DYSF: variants seen among roughly 807,000 people sequenced by gnomAD.
DYSF encodes the protein dystrophy-associated fer-1-like 1.
A neutral mutation model predicts 274.9 loss-of-function variants in DYSF; 212 were observed. The ratio of observed to expected loss-of-function variants is 0.77; its 90% CI spans 0.69 to 0.86. The LOEUF is 0.86. DYSF is among the 40% of genes least tolerant of loss of function. The pLI is 0.00. For synonymous variants in DYSF, 1,091 were observed against 1,078.7 expected (o/e 1.01, Z -0.22); for missense variants, 2,666 against 2,783.2 (o/e 0.96, Z 0.95).
intron 1 of DYSF, among the ~76,000 whole-genome samples, chr2:71,467,186 T>G (rs536477416): frequency 6.6e-6 from 1 of 152,372 alleles, no homozygotes; most frequent in East Asian, 1.9e-4. Context: ...TTATCACTTT[T>G]CTAAGACTGA....
intron 12 of DYSF, among the ~76,000 whole-genome samples, chr2:71,521,637 G>A (rs1409166048): frequency 6.6e-6 from 1 of 152,154 alleles, no homozygotes; most frequent in African/African-American, 2.4e-5. Context: ...TGTGCAGGGA[G>A]GGAGAGGAGG....
chr2:71,563,439 C>T (rs546198371), intron 23 of DYSF, among the ~76,000 whole-genome samples: 1 of 152,190 alleles, frequency 6.6e-6, no homozygotes, highest in Non-Finnish European at 1.5e-5. Flanking sequence ...ACCCAATCAG[C>T]CTGCTCTCCA....
In DYSF at chr2:71,667,358, G is replaced by A. The variant is rs778564283; in HGVS notation, c.5318-18G>A. 1 of 1,613,958 alleles carries A rather than the reference G, an allele frequency of 6.2e-7. No individual in the cohort carries two copies. Among genetic ancestry groups the A allele is most frequent in the Non-Finnish European group, 8.5e-7 (1 of 1,180,020 alleles). The stretch of plus-strand genomic sequence containing the variant: ...CTTCCCCAGCTCCTGCAACTTTTTT[G>A]TCTTCTCTCTGGGGCAGAGGCTGGC... On this transcript the variant is annotated intron_variant, in intron 47 of 55. Transcript: ENST00000410020.
chr2:71,475,208 C>G (rs569352797), intron 1 of DYSF, among the ~76,000 whole-genome samples: 10 of 152,326 alleles, frequency 6.6e-5, no homozygotes, highest in African/African-American at 2.4e-4. Context: ...TTCCTCCCTC[C>G]GCTGACAAAC....
chr2:71,544,970 A>C (rs919988302), intron 17 of DYSF, among the ~76,000 whole-genome samples: 1 of 152,180 alleles, frequency 6.6e-6, no homozygotes, highest in Non-Finnish European at 1.5e-5. Flanking sequence ...GCGACAAACA[A>C]ATAGACAAAT....
chr2:71,462,275 C>T (rs563941339), upstream of DYSF, among the ~76,000 whole-genome samples: 2 of 152,294 alleles, frequency 1.3e-5, no homozygotes, highest in Admixed American at 1.3e-4. Context: ...GGTGCTGGTA[C>T]AGGCACTGGC....
intron 42 of DYSF, among the ~76,000 whole-genome samples, chr2:71,645,008 G>A (rs1429772470): frequency 6.6e-6 from 1 of 152,144 alleles, no homozygotes; most frequent in African/African-American, 2.4e-5. Flanking sequence ...AGGGGAACAT[G>A]CAGATGGGCA....
In DYSF at chr2:71,480,864, C is replaced by T. The variant is rs1553508169; in HGVS notation, c.92-19C>T. 6.2e-7 allele frequency: 1 copy of T among 1,612,374 alleles called. No individual in the cohort carries two copies. ...AGGCGGGATGTGTCTCTCCATTCTC[C>T]CTTTTGTGTCTCTTGTAGGGGTGAA... On this transcript the variant is annotated intron_variant, in intron 1 of 55. Transcript: ENST00000410020.
intron 24 of DYSF, among the ~76,000 whole-genome samples, chr2:71,565,933 A>G (rs2092073010): frequency 6.6e-6 from 1 of 152,172 alleles, no homozygotes; most frequent in Admixed American, 6.5e-5. Context: ...GCGTGCCATG[A>G]CTGGAGGCCA....
intron 54 of DYSF, 114 bp from the exon 55 acceptor site, chr2:71,682,416 C>A: frequency 1.5e-6 from 2 of 1,345,410 alleles, no homozygotes; most frequent in South Asian, 2.3e-5. Context: ...CCTGGGCAGG[C>A]GCTGGGGGTG....
In DYSF at chr2:71,660,522, A is replaced by AAAGTGTTTTCACAG. The variant is rs770995803; in HGVS notation, c.4912-28_4912-15dup. ...CATGAAGCCTCAAAGACAGGTTTGGAAAGTGTTTTCACAGAAGTGTTTTGT... is the reference window on the plus strand; with the variant it reads ...CATGAAGCCTCAAAGACAGGTTTGGAAAGTGTTTTCACAGAAGTGTTTTCACAGAAGTGTTTTGT... On this transcript the variant is annotated intron_variant, in intron 44 of 55. Coordinates refer to ENST00000410020, the MANE Select transcript of DYSF (RefSeq NM_001130987.2). 3 of 1,573,744 alleles carry AAAGTGTTTTCACAG rather than the reference A, an allele frequency of 1.9e-6. No homozygotes were observed. In the African/African-American group the frequency reaches 4.1e-5, roughly 21 times the overall value.
At chr2:71,686,378 A>G (rs1167377927) in intron 55 of DYSF, 76 bp from the exon 56 acceptor site, 1 of 1,578,604 alleles carries the variant, frequency 6.3e-7, no homozygotes, top group African/African-American at 1.3e-5. Context: ...TCTGAGCCCC[A>G]GGTCTGGGAC....
intron 11 of DYSF, 67 bp downstream of exon 11, chr2:71,520,275 T>C: frequency 1.3e-6 from 2 of 1,546,892 alleles, no homozygotes; most frequent in South Asian, 1.1e-5. Flanking sequence ...GGACACTCAT[T>C]TGGGGTCCTC....
At chr2:71,660,773 A>G in intron 45 of DYSF, 122 bp downstream of exon 45, 1 of 849,408 alleles carries the variant, frequency 1.2e-6, no homozygotes. Flanking sequence ...TGTATTCCTT[A>G]AATCTTGCAT....
At chr2:71,617,111 T>G (rs2093902830) in intron 40 of DYSF, among the ~76,000 whole-genome samples, 1 of 152,214 alleles carries the variant, frequency 6.6e-6, no homozygotes, top group Non-Finnish European at 1.5e-5. Flanking sequence ...CAGCTGGGTA[T>G]GGCAAGGGCG....
At chr2:71,609,543 C>T (rs545935536) in intron 36 of DYSF, among the ~76,000 whole-genome samples, 5 of 152,264 alleles carry the variant, frequency 3.3e-5, no homozygotes, top group South Asian at 2.1e-4. Context: ...GTGTGCCAGG[C>T]GCTCTTCAGA....
In DYSF at chr2:71,520,987, T is replaced by A. The variant is rs2087206700; in HGVS notation, c.1149+83T>A. The A allele has an allele frequency of 7.9e-6, 9 of 1,146,206 alleles. No individual in the cohort carries two copies. The South Asian group carries it at 1.2e-4, about 15-fold the overall frequency. The allele number at this position is 1,146,206 out of a possible 1,614,324, so 71.0% of individuals were successfully genotyped here. A position where few individuals can be genotyped will look rare whatever the true frequency, so the allele number is the denominator to read the frequency against. ...GGCACCAAACCACAAACAAAAACTC[T>A]ATTTTTTTTTCTGATTTAAACTAAT... On this transcript the variant is annotated intron_variant, in intron 12 of 55. Transcript: ENST00000410020.
intron 21 of DYSF, among the ~76,000 whole-genome samples, chr2:71,555,288 A>G (rs72827541): frequency 0.016 from 2,424 of 152,106 alleles, 32 homozygotes; most frequent in Non-Finnish European, 0.026. Context: ...TTCCAGTTCT[A>G]CGAGATTGGT....
At chr2:71,518,544 C>T (rs910286367) in intron 10 of DYSF, among the ~76,000 whole-genome samples, 3 of 151,578 alleles carry the variant, frequency 2.0e-5, no homozygotes, top group Non-Finnish European at 1.5e-5. Context: ...GGATTACAGG[C>T]ATGAGCCACC....
Sources: gnomAD v4.1 joint callset for allele counts (sites outside exome capture counted in the v4.1 genomes callset) on GRCh38, gnomAD v4.1.1 for gene constraint, MANE v1.5 for transcripts, NCBI Gene and HGNC (gene_info 2026-07-23, HGNC 2026-07-21) for gene names.